The following COL27A1 variants were observed in gnomAD, a reference collection of about 807,000 sequenced individuals.
COL27A1 encodes collagen alpha-1(XXVII) chain.
A neutral mutation model predicts 251.3 loss-of-function variants in COL27A1; 106 were observed. The observed-to-expected ratio is 0.42, with a 90% CI of 0.36 to 0.50. The LOEUF (loss-of-function observed/expected upper bound fraction) is 0.50. Ranked by LOEUF, COL27A1 falls within the 20% of genes least tolerant of loss-of-function variation. The pLI, the probability that COL27A1 is intolerant of heterozygous loss-of-function variation, is 0.00. For missense variants in COL27A1, 2,325 were observed against 2,522.8 expected (o/e 0.92, Z 1.68); for synonymous variants, 1,000 against 986.3 (o/e 1.01, Z -0.26).
chr9:114,162,607 G>T (rs1848574996), intron 1 of COL27A1, 108 bp from the exon 2 acceptor site: 1 of 794,882 alleles, frequency 1.3e-6, no homozygotes, highest in Non-Finnish European at 2.2e-6. Context: ...CCCGTGGGCA[G>T]GACTGGGGTG....
At chr9:114,294,457 G>T (rs1243583965) in intron 49 of COL27A1, among the ~76,000 whole-genome samples, 2 of 152,088 alleles carry the variant, frequency 1.3e-5, no homozygotes, top group Non-Finnish European at 2.9e-5. Context: ...ATTTTAGTTA[G>T]AGGAACCTAA....
At chr9:114,189,181 T>C (rs1215754742) in intron 5 of COL27A1, among the ~76,000 whole-genome samples, 1 of 152,238 alleles carries the variant, frequency 6.6e-6, no homozygotes, top group Admixed American at 6.5e-5. Flanking sequence ...TTCCTTGTAA[T>C]TTCATAAAAT....
intron 7 of COL27A1, among the ~76,000 whole-genome samples, chr9:114,202,340 G>A (rs1018719342): frequency 1.3e-5 from 2 of 152,174 alleles, no homozygotes; most frequent in African/African-American, 2.4e-5. Flanking sequence ...TTCTCTTGGG[G>A]TTCTTGCCCT....
chr9:114,253,084 A>G, intron 27 of COL27A1, 152 bp downstream of exon 27: 1 of 678,150 alleles, frequency 1.5e-6, no homozygotes, highest in East Asian at 2.6e-5. Flanking sequence ...ACATACCAAA[A>G]CCTTGTCTCT....
intron 45 of COL27A1, 60 bp from the exon 46 acceptor site, chr9:114,289,997 AG>A: frequency 6.4e-7 from 1 of 1,567,604 alleles, no homozygotes. Flanking sequence ...CTCCTTCCAG[AG>A]CCCCTAGGGT....
intron 6 of COL27A1, among the ~76,000 whole-genome samples, chr9:114,195,573 G>A (rs940524790): frequency 8.5e-5 from 13 of 152,234 alleles, no homozygotes; most frequent in African/African-American, 2.9e-4. Flanking sequence ...TGCTTGGCCA[G>A]TGGCATGCCC....
At position 114,236,984 on chromosome 9, in the gene COL27A1, A is replaced by T; in HGVS notation, c.2623A>T (p.Ser875Cys). Reference protein sequence around the residue: ...GDPGFQGDKGSQGLPGFPGAR... With the variant: ...GDPGFQGDKGCQGLPGFPGAR... ...GCCTGCTCTGGATCTCTTCCAGGGG[A>T]GCCAGGGGTTGCCAGGGTTCCCCGG... The change falls in exon 18 of 61, where the codon AGC becomes TGC. Residue 875 changes from serine (S) to cysteine (C), a missense_variant. Physicochemically the swap from Ser to Cys is moderately radical, Grantham distance 112. Around this residue, in one of 4 missense-constraint regions of COL27A1, gnomAD observed 662 missense variants for 795.3 expected, o/e 0.83. Coordinates refer to ENST00000356083, the MANE Select transcript of COL27A1 (RefSeq NM_032888.4). 1 of 1,613,172 alleles carries T rather than the reference A, an allele frequency of 6.2e-7. No homozygotes were observed. Among genetic ancestry groups the T allele is most frequent in the South Asian group, 1.1e-5 (1 of 90,946 alleles).
chr9:114,242,197 G>A lies in COL27A1; in HGVS notation c.2846G>A (p.Gly949Glu). The A allele has an allele frequency of 6.2e-7, 1 of 1,607,434 alleles. No individual in the cohort carries two copies. Among genetic ancestry groups the A allele is most frequent in the Non-Finnish European group, 8.5e-7 (1 of 1,177,884 alleles). ...GTCTCCCAATTCTAGGGAGATGAGG[G>A]ACCCATGGGGCCGCCAGGGGCCCCT... ...RGQLGPEGDE[G>E]PMGPPGAPGL... The change falls in exon 22 of 61, where the codon GGA becomes GAA. Residue 949 changes from glycine to glutamate, a missense_variant. This residue lies in a region of COL27A1 where 662 missense variants were observed against 795.3 expected (regional missense o/e 0.83). Coordinates refer to ENST00000356083, the MANE Select transcript of COL27A1 (RefSeq NM_032888.4).
intron 48 of COL27A1, among the ~76,000 whole-genome samples, chr9:114,291,322 T>G (rs1827900479): frequency 6.6e-6 from 1 of 152,122 alleles, no homozygotes; most frequent in Admixed American, 6.5e-5. Context: ...AGGGGAGATG[T>G]AGATGAATGA....
intron 16 of COL27A1, among the ~76,000 whole-genome samples, chr9:114,235,079 CAAAAA>C (rs34337576): frequency 1.1e-5 from 1 of 88,270 alleles, no homozygotes; most frequent in Non-Finnish European, 2.0e-5. Context: ...GACTCCATCT[CAAAAA>C]AAAAAAAAAA....
intron 21 of COL27A1, among the ~76,000 whole-genome samples, chr9:114,240,778 G>A (rs78740679): frequency 0.022 from 3,386 of 152,288 alleles, 126 homozygotes; most frequent in African/African-American, 0.076. Context: ...TGACAATGCC[G>A]TGCTCGTGGT....
At chr9:114,254,858 G>A (rs983681452) in intron 27 of COL27A1, among the ~76,000 whole-genome samples, 3 of 152,200 alleles carry the variant, frequency 2.0e-5, no homozygotes, top group Admixed American at 1.3e-4. Flanking sequence ...TGTCTGGTGG[G>A]GCTGTCAAGT....
intron 16 of COL27A1, among the ~76,000 whole-genome samples, chr9:114,233,997 A>G (rs1387483126): frequency 6.6e-6 from 1 of 151,986 alleles, no homozygotes; most frequent in Non-Finnish European, 1.5e-5. Flanking sequence ...CCTGCCTCAA[A>G]TCCCAGATTT....
At chr9:114,218,385 C>G (rs1490898931) in intron 12 of COL27A1, 1 of 155,296 alleles carries the variant, frequency 6.4e-6, no homozygotes, top group Non-Finnish European at 1.4e-5. Context: ...CTTCTACATA[C>G]CAGGCTTTGC....
intron 16 of COL27A1, among the ~76,000 whole-genome samples, chr9:114,234,212 T>TAAAAAA: frequency 1.1e-5 from 1 of 89,362 alleles, no homozygotes; most frequent in Non-Finnish European, 2.1e-5. Flanking sequence ...TCTTGGACAT[T>TAAAAAA]AAAAAAAAAA....
chr9:114,301,040 C>T (rs1828587771), intron 51 of COL27A1, 32 bp from the exon 52 acceptor site: 1 of 1,575,306 alleles, frequency 6.3e-7, no homozygotes, highest in Admixed American at 1.8e-5. Flanking sequence ...GGCCCTGGAA[C>T]AAGGACACAT....
chr9:114,243,456 G>A, intron 22 of COL27A1, 51 bp from the exon 23 acceptor site: 1 of 1,534,748 alleles, frequency 6.5e-7, no homozygotes, highest in Non-Finnish European at 9.0e-7. Flanking sequence ...CTGGACCCCA[G>A]CCATGTTGCC....
chr9:114,288,155 C>T (rs1055244097), intron 41 of COL27A1, among the ~76,000 whole-genome samples: 5 of 152,158 alleles, frequency 3.3e-5, no homozygotes, highest in Admixed American at 2.0e-4. Context: ...GCAGGCCACA[C>T]GGCTGGTCCT....
intron 31 of COL27A1, 59 bp downstream of exon 31, chr9:114,265,169 G>T: frequency 2.0e-6 from 1 of 499,078 alleles, no homozygotes. Flanking sequence ...GGTGGGGGGC[G>T]GGTGCGGTGC....
Sources: gnomAD v4.1 joint callset for allele counts (sites outside exome capture counted in the v4.1 genomes callset) on GRCh38, gnomAD v4.1.1 for gene constraint, gnomAD v4.1.1 regional missense constraint, MANE v1.5 for transcripts, NCBI Gene and HGNC (gene_info 2026-07-23, HGNC 2026-07-21) for gene names.